CSGALNACT1: variants seen among roughly 807,000 people sequenced by gnomAD.
The protein encoded by CSGALNACT1 is chondroitin sulfate N-acetylgalactosaminyltransferase 1.
In CSGALNACT1, 52 loss-of-function variants were observed where a neutral mutation model predicts 51.0. That is an observed-to-expected ratio of 1.02 (90% CI 0.82 to 1.29). CSGALNACT1 has a LOEUF of 1.29. Ranked by LOEUF, CSGALNACT1 falls within the 50% of genes most tolerant of loss-of-function variation. The pLI is 0.00. For missense variants in CSGALNACT1, 935 were observed against 679.2 expected, an observed-to-expected ratio of 1.38 and a Z score of -4.19; for synonymous variants, 341 against 254.4, an observed-to-expected ratio of 1.34 and a Z score of -3.24.
At chr8:19,407,925 G>GTC (rs1315046956) in intron 9 of CSGALNACT1, among the ~76,000 whole-genome samples, 209 of 138,898 alleles carry the variant, frequency 1.5e-3, no homozygotes, top group Middle Eastern at 4.2e-3. Context: ...GTGTGTGTGT[G>GTC]TGTGTGTGTG....
intron 3 of CSGALNACT1, among the ~76,000 whole-genome samples, chr8:19,539,404 C>G (rs1233685322): frequency 6.6e-6 from 1 of 152,062 alleles, no homozygotes; most frequent in Admixed American, 6.5e-5. Flanking sequence ...AAGCTAAGTC[C>G]ATTAGAACAG....
At chr8:19,440,203 C>G (rs2061082616) in intron 5 of CSGALNACT1, among the ~76,000 whole-genome samples, 1 of 152,166 alleles carries the variant, frequency 6.6e-6, no homozygotes. Flanking sequence ...ACAGTCCTAG[C>G]CCACCGGGCC....
intron 3 of CSGALNACT1, among the ~76,000 whole-genome samples, chr8:19,580,061 G>A (rs1588634153): frequency 1.3e-5 from 2 of 152,192 alleles, no homozygotes. Flanking sequence ...CCTTTCTACT[G>A]CTTGCTCTTT....
At chr8:19,666,976 A>T (rs1199133218) in intron 1 of CSGALNACT1, among the ~76,000 whole-genome samples, 1 of 10,714 alleles carries the variant, frequency 9.3e-5, no homozygotes, top group African/African-American at 7.2e-4. Context: ...AGAAAGAAAG[A>T]AAGAAAGAAA....
intron 1 of CSGALNACT1, among the ~76,000 whole-genome samples, chr8:19,666,087 A>C (rs1338020046): frequency 1.3e-5 from 2 of 152,148 alleles, no homozygotes. Flanking sequence ...GTCTAGTTTA[A>C]ATCCAGGCAG....
intron 1 of CSGALNACT1, among the ~76,000 whole-genome samples, chr8:19,739,076 G>C (rs2064154857): frequency 6.6e-6 from 1 of 151,854 alleles, no homozygotes; most frequent in African/African-American, 2.4e-5. Context: ...TTTTAGGTAT[G>C]AAAACAGCAT....
At chr8:19,458,006 A>G (rs1421123003) in intron 5 of CSGALNACT1, among the ~76,000 whole-genome samples, 1 of 152,140 alleles carries the variant, frequency 6.6e-6, no homozygotes, top group Non-Finnish European at 1.5e-5. Flanking sequence ...CCAATCAAGA[A>G]CACCTTGCAT....
Position 19,461,532 on chromosome 8 carries a change from GCGGC to G in CSGALNACT1, c.635-2894_635-2891del, listed in dbSNP as rs1412055336. The stretch of plus-strand genomic sequence containing the variant: ...TCACCATGGGGGGCGTATCCGCACA[GCGGC>G]CACATTCACCATGGGGGGCGTATCC... On this transcript the variant is annotated intron_variant, in intron 4 of 9. Transcript: ENST00000454498. Among the ~76,000 whole-genome samples, 47 of 145,146 alleles carry G rather than the reference GCGGC, an allele frequency of 3.2e-4. 1 individual carries two copies. The highest frequency in any genetic ancestry group is 4.8e-4 in the Admixed American group (7 of 14,656).
chr8:19,539,040 G>A (rs1799171799), intron 3 of CSGALNACT1, among the ~76,000 whole-genome samples: 1 of 152,150 alleles, frequency 6.6e-6, no homozygotes, highest in African/African-American at 2.4e-5. Context: ...CAGACACTCT[G>A]TATCACATTT....
chr8:19,514,049 T>G (rs1347669003), intron 3 of CSGALNACT1, among the ~76,000 whole-genome samples: 2 of 152,174 alleles, frequency 1.3e-5, no homozygotes, highest in Non-Finnish European at 2.9e-5. Context: ...GTTTCTTTTT[T>G]CCATTGAGAC....
intron 1 of CSGALNACT1, among the ~76,000 whole-genome samples, chr8:19,641,424 G>A (rs1233298205): frequency 6.6e-6 from 1 of 152,100 alleles, no homozygotes; most frequent in Admixed American, 6.5e-5. Flanking sequence ...GCAGCAGGGC[G>A]AACCTGGGAG....
chr8:19,513,436 C>CTCTCTCTCTCTCTCTCTCTCTA, intron 3 of CSGALNACT1, among the ~76,000 whole-genome samples: 1 of 81,974 alleles, frequency 1.2e-5, no homozygotes, highest in African/African-American at 3.6e-5. Flanking sequence ...CTCTCTCTCT[C>CTCTCTCTCTCTCTCTCTCTCTA]TATATATATA....
At chr8:19,527,738 T>C (rs150446893) in intron 3 of CSGALNACT1, among the ~76,000 whole-genome samples, 58 of 152,270 alleles carry the variant, frequency 3.8e-4, no homozygotes, top group Middle Eastern at 3.4e-3. Flanking sequence ...TGAGCTGAAG[T>C]AGCAGGGTCA....
intron 1 of CSGALNACT1, among the ~76,000 whole-genome samples, chr8:19,621,006 T>C (rs1210753412): frequency 2.0e-5 from 3 of 152,176 alleles, no homozygotes; most frequent in African/African-American, 4.8e-5. Flanking sequence ...GTAAAAATGT[T>C]GTGAGAAGTT....
At chr8:19,555,847 C>A (rs1171823790) in intron 3 of CSGALNACT1, among the ~76,000 whole-genome samples, 1 of 152,182 alleles carries the variant, frequency 6.6e-6, no homozygotes, top group Non-Finnish European at 1.5e-5. Context: ...GACTGAAATG[C>A]AACTCCGTGG....
rs886970228 is a variant in CSGALNACT1 at position 19,662,086 on chromosome 8, C to G, written c.-544+20387G>C. Among the ~76,000 whole-genome samples the G allele has an allele frequency of 9.7e-5, 11 of 112,980 alleles. 1 individual carries two copies. The highest frequency in any genetic ancestry group is 7.7e-4 in the South Asian group (2 of 2,608). 74.1% of individuals were successfully genotyped at this position (112,980 alleles called of 152,430 possible). ...CCCACCCCCCCCCACCCCCCCCCCC[C>G]CCCGCATCTTCAGCAGCTTCAGCTC... On this transcript the variant is annotated intron_variant, in intron 1 of 9. Coordinates refer to the CSGALNACT1 transcript ENST00000332246.
chr8:19,428,738 G>A (rs775627517), intron 6 of CSGALNACT1, among the ~76,000 whole-genome samples: 16 of 152,066 alleles, frequency 1.1e-4, no homozygotes, highest in Non-Finnish European at 2.2e-4. Flanking sequence ...TGGTTCCACA[G>A]AGGGAAAGTA....
Position 19,656,602 on chromosome 8 carries a change from AC to A in CSGALNACT1, c.-544+25870del, listed in dbSNP as rs2058303100. ...CCAGGAGAAACTACGCCCCCCCCCCACACACACACACGAGATCAGCAAAGAC... is the reference window on the plus strand; with the variant it reads ...CCAGGAGAAACTACGCCCCCCCCCCAACACACACACGAGATCAGCAAAGAC... On this transcript the variant is annotated intron_variant, in intron 1 of 9. Transcript: ENST00000332246. 1.1e-4 allele frequency among the ~76,000 whole-genome samples: 9 copies of A among 78,998 alleles called. 1 individual carries two copies. The highest frequency in any genetic ancestry group is 2.2e-4 in the Admixed American group (2 of 9,216). 51.8% of individuals were successfully genotyped at this position (78,998 alleles called of 152,430 possible). A position where few individuals can be genotyped will look rare whatever the true frequency, so the allele number is the denominator to read the frequency against.
intron 8 of CSGALNACT1, among the ~76,000 whole-genome samples, chr8:19,412,914 C>T (rs1563273461): frequency 1.3e-5 from 2 of 151,972 alleles, no homozygotes; most frequent in South Asian, 2.1e-4. Context: ...GGCTGCATGC[C>T]CTCTTCTTGT....
Sources: allele counts gnomAD v4.1 joint callset (sites outside exome capture counted in the v4.1 genomes callset), GRCh38; gene constraint gnomAD v4.1.1; transcripts MANE v1.5; gene names NCBI Gene and HGNC (gene_info 2026-07-23, HGNC 2026-07-21).